RORA: variants seen among roughly 807,000 people sequenced by gnomAD.
RORA encodes RAR related orphan receptor A, also known as nuclear receptor ROR-alpha.
A neutral mutation model predicts 69.5 loss-of-function variants in RORA; 7 were observed. The observed-to-expected ratio is 0.10, with a 90% CI of 0.06 to 0.19. The LOEUF (loss-of-function observed/expected upper bound fraction) is 0.19. Among genes scored for constraint, RORA ranks in the 10% least tolerant of loss-of-function variants. The pLI is 1.00. For synonymous variants in RORA, 261 were observed against 240.8 expected (o/e 1.08, Z -0.78); for missense variants, 457 against 663.0 (o/e 0.69, Z 3.41).
At chr15:61,096,170 T>G (rs1317028474) in intron 1 of RORA, among the ~76,000 whole-genome samples, 1 of 151,660 alleles carries the variant, frequency 6.6e-6, no homozygotes, top group Non-Finnish European at 1.5e-5. Context: ...ATTGGGGGAG[T>G]GTGAGGCAGA....
chr15:61,169,948 G>A (rs2079571265), intron 1 of RORA, among the ~76,000 whole-genome samples: 1 of 152,134 alleles, frequency 6.6e-6, no homozygotes, highest in African/African-American at 2.4e-5. Context: ...TCCTCACTCT[G>A]CAGGACACCT....
intron 2 of RORA, among the ~76,000 whole-genome samples, chr15:60,658,391 TA>T (rs981155999): frequency 3.9e-5 from 6 of 152,170 alleles, no homozygotes; most frequent in Admixed American, 3.9e-4. Flanking sequence ...TTCCATATAG[TA>T]GGAGGTCAGG....
intron 1 of RORA, among the ~76,000 whole-genome samples, chr15:60,955,072 G>A (rs111579933): frequency 0.025 from 3,866 of 152,318 alleles, 156 homozygotes; most frequent in African/African-American, 0.089. Flanking sequence ...GGGAGGCCGA[G>A]GTGGGTGGAT....
chr15:60,612,064 C>T (rs2140586279), intron 2 of RORA, among the ~76,000 whole-genome samples: 1 of 152,216 alleles, frequency 6.6e-6, no homozygotes, highest in African/African-American at 2.4e-5. Context: ...GAGAAGGAAC[C>T]CAGAGAAATG....
intron 1 of RORA, among the ~76,000 whole-genome samples, chr15:60,772,544 G>A (rs761423414): frequency 2.0e-5 from 3 of 152,026 alleles, no homozygotes; most frequent in Admixed American, 6.5e-5. Flanking sequence ...GCTTTTCCTC[G>A]TATGGGTACC....
chr15:60,675,981 G>C (rs542086608), intron 2 of RORA, among the ~76,000 whole-genome samples: 1 of 152,188 alleles, frequency 6.6e-6, no homozygotes, highest in Non-Finnish European at 1.5e-5. Context: ...CTTGACTAAG[G>C]TTTCCAGAAC....
chr15:60,924,794 T>G (rs1892158541), intron 1 of RORA, among the ~76,000 whole-genome samples: 1 of 152,124 alleles, frequency 6.6e-6, no homozygotes, highest in Admixed American at 6.5e-5. Context: ...TTAAAGGTAA[T>G]CAGGCCAGGC....
chr15:61,137,016 T>C (rs976276579), intron 1 of RORA, among the ~76,000 whole-genome samples: 9 of 49,886 alleles, frequency 1.8e-4, no homozygotes, highest in Non-Finnish European at 4.0e-4. Flanking sequence ...AAAAAATAAA[T>C]AAAAAAGAAA....
intron 1 of RORA, among the ~76,000 whole-genome samples, chr15:60,734,522 C>G (rs1440137732): frequency 6.6e-6 from 1 of 152,208 alleles, no homozygotes; most frequent in Non-Finnish European, 1.5e-5. Flanking sequence ...ACTGCAAAGA[C>G]AAGACACGTT....
chr15:60,916,274 A>C (rs1891870645), intron 1 of RORA, among the ~76,000 whole-genome samples: 1 of 152,186 alleles, frequency 6.6e-6, no homozygotes, highest in South Asian at 2.1e-4. Flanking sequence ...CTTGTAAAGG[A>C]ACAGATCTGA....
rs577116893 is a variant in RORA at position 60,697,564 on chromosome 15, CT to C, written c.167-18879del. Among the ~76,000 whole-genome samples the C allele has an allele frequency of 2.6e-3, 372 of 144,596 alleles. 2 individuals are homozygous for C. Among genetic ancestry groups the C allele is most frequent in the Middle Eastern group, 0.014 (4 of 276 alleles). 94.9% of individuals were successfully genotyped at this position (144,596 alleles called of 152,430 possible). A position where few individuals can be genotyped will look rare whatever the true frequency, so the allele number is the denominator to read the frequency against. On this transcript the variant is annotated intron_variant, in intron 1 of 10. Coordinates refer to ENST00000335670, the MANE Select transcript of RORA (RefSeq NM_134261.3). ...ACATTTGCTATTTCCTTCAAGTCTA[CT>C]TTTTTTTTTTTTTCCAAACACTGGA...
intron 1 of RORA, among the ~76,000 whole-genome samples, chr15:60,852,115 C>T (rs2073332846): frequency 6.6e-6 from 1 of 152,216 alleles, no homozygotes; most frequent in Non-Finnish European, 1.5e-5. Flanking sequence ...AGCGCTTGAA[C>T]CTCAGTGCAG....
At chr15:60,501,686 T>C (rs535754618) in intron 8 of RORA, among the ~76,000 whole-genome samples, 1 of 152,344 alleles carries the variant, frequency 6.6e-6, no homozygotes, top group South Asian at 2.1e-4. Context: ...TGTTAACAAA[T>C]GACATATTCT....
chr15:61,080,314 C>T (rs1432643637), intron 1 of RORA, among the ~76,000 whole-genome samples: 1 of 152,124 alleles, frequency 6.6e-6, no homozygotes, highest in Non-Finnish European at 1.5e-5. Flanking sequence ...CTAAGCTTAC[C>T]CATATCTTTG....
chr15:60,595,746 T>A (rs2068653507), intron 2 of RORA, among the ~76,000 whole-genome samples: 2 of 152,108 alleles, frequency 1.3e-5, no homozygotes, highest in African/African-American at 4.8e-5. Flanking sequence ...GAATGGGACT[T>A]CTTTACCAGG....
chr15:60,504,471 C>T (rs1054151560), intron 6 of RORA, among the ~76,000 whole-genome samples: 2 of 152,114 alleles, frequency 1.3e-5, no homozygotes, highest in Middle Eastern at 3.4e-3. Context: ...TACTTGAACC[C>T]GGGAGGCGGA....
chr15:61,103,737 A>G (rs967880701), intron 1 of RORA, among the ~76,000 whole-genome samples: 1 of 152,186 alleles, frequency 6.6e-6, no homozygotes, highest in Non-Finnish European at 1.5e-5. Flanking sequence ...CAGCCAGCAG[A>G]TAAAGACCTT....
intron 1 of RORA, chr15:61,039,150 G>C (rs1896608096): frequency 1.3e-5 from 2 of 152,180 alleles, no homozygotes; most frequent in Admixed American, 6.5e-5. Context: ...AAAAGATTTT[G>C]AAACACTACA....
chr15:60,922,017 G>T (rs897130065), intron 1 of RORA, among the ~76,000 whole-genome samples: 1 of 152,118 alleles, frequency 6.6e-6, no homozygotes, highest in African/African-American at 2.4e-5. Context: ...GGCCAATTTT[G>T]TTTTATCTGC....
Sources: allele counts gnomAD v4.1 joint callset (sites outside exome capture counted in the v4.1 genomes callset), GRCh38; gene constraint gnomAD v4.1.1; transcripts MANE v1.5; gene names NCBI Gene and HGNC (gene_info 2026-07-23, HGNC 2026-07-21).